The following RBMS3 variants were observed in gnomAD, a reference collection of about 807,000 sequenced individuals.
RBMS3 encodes the protein RNA binding motif single stranded interacting protein 3.
RBMS3 carries 27 observed loss-of-function variants against 66.8 expected under a neutral mutation model. The ratio of observed to expected loss-of-function variants is 0.40; its 90% CI spans 0.30 to 0.56. The LOEUF (loss-of-function observed/expected upper bound fraction) is 0.56, where lower values mean the gene tolerates loss of function less well. Among genes scored for constraint, RBMS3 ranks in the 20% least tolerant of loss-of-function variants. The pLI, the probability that RBMS3 is intolerant of heterozygous loss-of-function variation, is 0.40. For missense variants in RBMS3, 513 were observed against 549.5 expected, an observed-to-expected ratio of 0.93 and a Z score of 0.66; for synonymous variants, 188 against 183.0, an observed-to-expected ratio of 1.03 and a Z score of -0.22.
chr3:29,825,570 G>A (rs895784156), intron 6 of RBMS3, among the ~76,000 whole-genome samples: 4 of 152,054 alleles, frequency 2.6e-5, no homozygotes, highest in South Asian at 2.1e-4. Flanking sequence ...TCCCCTGCAC[G>A]GGCTCTCTTG....
At chr3:29,474,435 A>G (rs1297454675) in intron 2 of RBMS3, among the ~76,000 whole-genome samples, 26 of 152,380 alleles carry the variant, frequency 1.7e-4, no homozygotes, top group Non-Finnish European at 1.5e-5. Context: ...GAAAAAAGAA[A>G]CACAGCTTCC....
intron 3 of RBMS3, among the ~76,000 whole-genome samples, chr3:29,545,799 G>T (rs1031100104): frequency 2.0e-5 from 3 of 152,062 alleles, no homozygotes; most frequent in Non-Finnish European, 4.4e-5. Flanking sequence ...TCACAAGTTT[G>T]TTCATCCAAC....
chr3:29,725,157 A>G (rs1444840364), intron 4 of RBMS3, among the ~76,000 whole-genome samples: 1 of 152,212 alleles, frequency 6.6e-6, no homozygotes, highest in African/African-American at 2.4e-5. Context: ...CTGAATCACA[A>G]GACTCCTGTA....
At chr3:29,829,688 GA>G (rs1471677252) in intron 6 of RBMS3, among the ~76,000 whole-genome samples, 4 of 152,108 alleles carry the variant, frequency 2.6e-5, no homozygotes, top group Admixed American at 6.5e-5. Flanking sequence ...TGATGCTGAT[GA>G]AACCTTGAGT....
In RBMS3 at chr3:30,009,531, C is replaced by T. The variant is rs1489589540; in HGVS notation, c.*5669C>T. 6.6e-6 allele frequency: 1 copy of T among 152,078 alleles called. No homozygotes were observed. The highest frequency in any genetic ancestry group is 2.4e-5 in the African/African-American group (1 of 41,436). 9.4% of individuals were successfully genotyped at this position (152,078 alleles called of 1,614,324 possible). A position where few individuals can be genotyped will look rare whatever the true frequency, so the allele number is the denominator to read the frequency against. ...AAAAAAATCATAGCAAAGAATTCAGCTTCCCTCAAAAGAAAGCTATTTTTG... is the reference window on the plus strand; with the variant it reads ...AAAAAAATCATAGCAAAGAATTCAGTTTCCCTCAAAAGAAAGCTATTTTTG... On this transcript the variant is annotated 3_prime_UTR_variant, in exon 15 of 15. Coordinates refer to ENST00000383767, the MANE Select transcript of RBMS3 (RefSeq NM_001003793.3).
At chr3:29,788,202 A>ATTTTTT (rs34037007) in intron 6 of RBMS3, among the ~76,000 whole-genome samples, 2 of 134,992 alleles carry the variant, frequency 1.5e-5, no homozygotes, top group African/African-American at 2.7e-5. Context: ...TTTGGAGTTC[A>ATTTTTT]TTTTTTTTTT....
chr3:29,844,885 A>G (rs1273266591), intron 6 of RBMS3, among the ~76,000 whole-genome samples: 1 of 152,232 alleles, frequency 6.6e-6, no homozygotes, highest in Non-Finnish European at 1.5e-5. Flanking sequence ...ACACTTAAAA[A>G]GTGTCATTCT....
chr3:29,439,973 G>A (rs1483639857), intron 2 of RBMS3, among the ~76,000 whole-genome samples: 3 of 152,104 alleles, frequency 2.0e-5, no homozygotes, highest in South Asian at 2.1e-4. Context: ...GACGGAAGTC[G>A]GAGAAGATAG....
At chr3:29,332,703 T>C (rs968913887) in intron 1 of RBMS3, among the ~76,000 whole-genome samples, 10 of 152,298 alleles carry the variant, frequency 6.6e-5, no homozygotes, top group South Asian at 6.2e-4. Context: ...CTCAAGTTTT[T>C]CAAATTAATG....
chr3:29,664,002 T>C (rs2050658225), intron 4 of RBMS3, among the ~76,000 whole-genome samples: 1 of 152,146 alleles, frequency 6.6e-6, no homozygotes, highest in Non-Finnish European at 1.5e-5. Context: ...GTATTGAAAG[T>C]TTTCTGAATA....
chr3:29,841,187 G>C (rs1404887463), intron 6 of RBMS3, among the ~76,000 whole-genome samples: 1 of 151,550 alleles, frequency 6.6e-6, no homozygotes, highest in Non-Finnish European at 1.5e-5. Context: ...CTCTTGGGTT[G>C]TGTATTTTTA....
intron 5 of RBMS3, among the ~76,000 whole-genome samples, chr3:29,743,754 T>A (rs1428528411): frequency 6.6e-6 from 1 of 151,760 alleles, no homozygotes; most frequent in East Asian, 1.9e-4. Context: ...TAAATTTTAT[T>A]ATTATTATAC....
chr3:29,311,082 T>G (rs553764898), intron 1 of RBMS3, among the ~76,000 whole-genome samples: 83 of 151,928 alleles, frequency 5.5e-4, no homozygotes, highest in African/African-American at 2.0e-3. Flanking sequence ...TAGGCATTTC[T>G]TTTCAAATCA....
At chr3:29,843,584 A>C (rs561699177) in intron 6 of RBMS3, among the ~76,000 whole-genome samples, 1 of 152,342 alleles carries the variant, frequency 6.6e-6, no homozygotes, top group South Asian at 2.1e-4. Context: ...GACGTTGACC[A>C]GGGTTTTCTT....
intron 2 of RBMS3, among the ~76,000 whole-genome samples, chr3:29,460,249 A>C (rs1351356109): frequency 1.3e-5 from 2 of 152,220 alleles, no homozygotes; most frequent in Non-Finnish European, 2.9e-5. Flanking sequence ...TCAAAGTGCC[A>C]GTTGCAATCA....
chr3:29,663,093 C>T (rs1181456472), intron 4 of RBMS3, among the ~76,000 whole-genome samples: 1 of 152,128 alleles, frequency 6.6e-6, no homozygotes, highest in Non-Finnish European at 1.5e-5. Context: ...GGTTTTTAAA[C>T]AATGTCAGTC....
intron 4 of RBMS3, among the ~76,000 whole-genome samples, chr3:29,617,513 C>T (rs557241130): frequency 6.6e-6 from 1 of 152,252 alleles, no homozygotes; most frequent in Non-Finnish European, 1.5e-5. Flanking sequence ...TGATGTTTTA[C>T]TGTTTTATCT....
intron 1 of RBMS3, among the ~76,000 whole-genome samples, chr3:29,390,554 T>TA (rs60624463): frequency 6.0e-5 from 9 of 150,656 alleles, no homozygotes; most frequent in African/African-American, 1.5e-4. Context: ...AAAGTTTATT[T>TA]AAAAAAAAAA....
At chr3:29,852,632 A>C (rs2058965639) in intron 6 of RBMS3, among the ~76,000 whole-genome samples, 1 of 152,222 alleles carries the variant, frequency 6.6e-6, no homozygotes, top group Non-Finnish European at 1.5e-5. Flanking sequence ...CACCAGTCAG[A>C]ATGGCCATTA....
Sources: gnomAD v4.1 joint callset for allele counts (sites outside exome capture counted in the v4.1 genomes callset) on GRCh38, gnomAD v4.1.1 for gene constraint, MANE v1.5 for transcripts, NCBI Gene and HGNC (gene_info 2026-07-23, HGNC 2026-07-21) for gene names.